The following TANGO6 variants were observed in gnomAD, a reference collection of about 807,000 sequenced individuals.
The protein encoded by TANGO6 is transport and Golgi organization protein 6 homolog.
TANGO6 carries 90 observed loss-of-function variants against 114.2 expected under a neutral mutation model. The observed-to-expected ratio is 0.79, with a 90% CI of 0.66 to 0.94. The LOEUF is 0.94. TANGO6 is among the 40% of genes least tolerant of loss of function. The pLI is 0.00. For synonymous variants in TANGO6, 477 were observed against 509.8 expected (o/e 0.94, Z 0.87); for missense variants, 1,274 against 1,315.3 (o/e 0.97, Z 0.49).
chr16:69,010,585 C>T (rs868736414), intron 15 of TANGO6, among the ~76,000 whole-genome samples: 29 of 152,086 alleles, frequency 1.9e-4, no homozygotes, highest in African/African-American at 6.5e-4. Context: ...GCTCCGTCTA[C>T]CTGAAGCAAT....
intron 15 of TANGO6, among the ~76,000 whole-genome samples, chr16:68,994,897 T>G (rs891579370): frequency 2.0e-5 from 3 of 152,118 alleles, no homozygotes; most frequent in Non-Finnish European, 4.4e-5. Flanking sequence ...TTTTGTATTT[T>G]CAATAAGGAG....
At chr16:68,889,238 AGCCCACCTTAAT>A (rs1962580127) in intron 7 of TANGO6, among the ~76,000 whole-genome samples, 1 of 152,218 alleles carries the variant, frequency 6.6e-6, no homozygotes, top group Admixed American at 6.5e-5. Flanking sequence ...ACAATTGATG[AGCCCACCTTAAT>A]GCCTCAGTAT....
At chr16:68,973,046 A>C (rs1420458225) in intron 14 of TANGO6, 2 of 447,524 alleles carry the variant, frequency 4.5e-6, no homozygotes, top group East Asian at 7.0e-5. Flanking sequence ...GCTCATATTC[A>C]GGGAAGAAGG....
Position 68,918,953 on chromosome 16 carries a change from A to T in TANGO6, c.1993-132A>T, listed in dbSNP as rs934950498. The T allele has an allele frequency of 2.9e-6, 3 of 1,028,942 alleles. No individual in the cohort carries two copies. In the African/African-American group the frequency reaches 4.8e-5, roughly 17 times the overall value. The allele number at this position is 1,028,942 out of a possible 1,614,324, so 63.7% of individuals were successfully genotyped here. On this transcript the variant is annotated intron_variant, in intron 11 of 17. Coordinates refer to ENST00000261778, the MANE Select transcript of TANGO6 (RefSeq NM_024562.2). ...TGAACATCACATCTGCATGGTAAGT[A>T]GCAGTTGTTCTGGATGGTTCTTGCT...
At chr16:69,037,163 C>T (rs1959702251) in intron 16 of TANGO6, among the ~76,000 whole-genome samples, 1 of 150,570 alleles carries the variant, frequency 6.6e-6, no homozygotes, top group African/African-American at 2.4e-5. Flanking sequence ...AAAAGAATTG[C>T]CCTTGAAGGG....
chr16:69,006,722 G>A (rs776397297), intron 15 of TANGO6, among the ~76,000 whole-genome samples: 23 of 152,176 alleles, frequency 1.5e-4, no homozygotes, highest in Non-Finnish European at 3.4e-4. Flanking sequence ...CTGCACTCCA[G>A]CCTGGGTAAC....
intron 1 of TANGO6, among the ~76,000 whole-genome samples, chr16:68,847,624 A>T (rs1961834009): frequency 6.6e-6 from 1 of 152,212 alleles, no homozygotes; most frequent in Non-Finnish European, 1.5e-5. Flanking sequence ...AATAACACTC[A>T]TTTCCGTTTG....
At chr16:69,003,007 A>G (rs1364020442) in intron 15 of TANGO6, among the ~76,000 whole-genome samples, 1 of 151,412 alleles carries the variant, frequency 6.6e-6, no homozygotes, top group Non-Finnish European at 1.5e-5. Context: ...GTGCCACTAC[A>G]CTCCAGCCTG....
chr16:68,848,854 G>A (rs1470584058), intron 1 of TANGO6, among the ~76,000 whole-genome samples: 2 of 151,872 alleles, frequency 1.3e-5, no homozygotes. Context: ...TGGCCTCTGG[G>A]AACCATTTCC....
intron 10 of TANGO6, among the ~76,000 whole-genome samples, chr16:68,908,769 A>C (rs1290973582): frequency 6.6e-6 from 1 of 152,226 alleles, no homozygotes; most frequent in Non-Finnish European, 1.5e-5. Context: ...ATGTGAGGTG[A>C]TCTGAGGTCT....
At chr16:69,063,643 CAA>C (rs770332921) in intron 17 of TANGO6, among the ~76,000 whole-genome samples, 6 of 35,782 alleles carry the variant, frequency 1.7e-4, no homozygotes, top group African/African-American at 3.5e-4. Flanking sequence ...ACTCCATCTC[CAA>C]AAAAAAAAAA....
At chr16:69,083,440 T>C in intron 17 of TANGO6, 45 bp from the exon 18 acceptor site, 1 of 1,571,752 alleles carries the variant, frequency 6.4e-7, no homozygotes, top group South Asian at 1.2e-5. Flanking sequence ...TACTGAGAAA[T>C]GCCGGCACAG....
In TANGO6 at chr16:69,040,383, GTGC is replaced by G; in HGVS notation, c.3078_3080del (p.Leu1027del). ...ACGCAGAGCTGCCATACATGTGGTTGTGCTGCTGCTTCGGGGACTCAGCCAGAA... is the reference window on the plus strand; with the variant it reads ...ACGCAGAGCTGCCATACATGTGGTTGTGCTGCTTCGGGGACTCAGCCAGAA... On this transcript the variant is annotated inframe_deletion, in exon 17 of 18. Transcript: ENST00000261778. 1 of 1,608,530 alleles carries G rather than the reference GTGC, an allele frequency of 6.2e-7. No individual in the cohort carries two copies. The highest frequency in any genetic ancestry group is 8.5e-7 in the Non-Finnish European group (1 of 1,177,694).
chr16:68,861,047 G>A (rs1962084978), intron 2 of TANGO6, among the ~76,000 whole-genome samples: 1 of 152,164 alleles, frequency 6.6e-6, no homozygotes. Context: ...CATTTTTGCT[G>A]TCACTCAGTC....
intron 15 of TANGO6, among the ~76,000 whole-genome samples, chr16:68,983,595 G>A (rs1963861464): frequency 6.6e-6 from 1 of 152,188 alleles, no homozygotes; most frequent in African/African-American, 2.4e-5. Flanking sequence ...GGAGAGGCCT[G>A]TATGGAGTAT....
chr16:69,016,354 C>T (rs868620156), intron 15 of TANGO6, among the ~76,000 whole-genome samples: 2 of 151,658 alleles, frequency 1.3e-5, no homozygotes, highest in Admixed American at 6.6e-5. Context: ...GCCGAGATTG[C>T]GCTGTTGCAT....
intron 1 of TANGO6, among the ~76,000 whole-genome samples, chr16:68,851,464 T>A (rs1249340823): frequency 1.3e-5 from 2 of 152,184 alleles, no homozygotes; most frequent in African/African-American, 4.8e-5. Flanking sequence ...GGCCTGCATC[T>A]TACTTTTTAA....
chr16:69,031,518 T>C lies in TANGO6; in HGVS notation c.2994+8539T>C, dbSNP rs562479385. Among the ~76,000 whole-genome samples, 3 of 151,968 alleles carry C rather than the reference T, an allele frequency of 2.0e-5. No homozygotes were observed. In the East Asian group the frequency reaches 5.9e-4, roughly 30 times the overall value. On this transcript the variant is annotated intron_variant, in intron 16 of 17. Coordinates refer to ENST00000261778, the MANE Select transcript of TANGO6 (RefSeq NM_024562.2). ...GAGTTCAAGACCAGCCTGGGCAACA[T>C]GGTTAAATCCCATCTCTACCAAAAA...
At chr16:68,899,792 G>T (rs1384265054) in intron 7 of TANGO6, among the ~76,000 whole-genome samples, 2 of 151,728 alleles carry the variant, frequency 1.3e-5, no homozygotes, top group Non-Finnish European at 2.9e-5. Context: ...GTAGAGATGG[G>T]GTCTTACTAT....
Sources: allele counts gnomAD v4.1 joint callset (sites outside exome capture counted in the v4.1 genomes callset), GRCh38; gene constraint gnomAD v4.1.1; transcripts MANE v1.5; gene names NCBI Gene and HGNC (gene_info 2026-07-23, HGNC 2026-07-21).